The following EPHA6 variants were observed in gnomAD, a reference collection of about 807,000 sequenced individuals.
The protein encoded by EPHA6 is ephrin type-A receptor 6.
A neutral mutation model predicts 112.0 loss-of-function variants in EPHA6; 50 were observed. The ratio of observed to expected loss-of-function variants is 0.45; its 90% CI spans 0.36 to 0.56. The LOEUF is 0.56. Among genes scored for constraint, EPHA6 ranks in the 20% least tolerant of loss-of-function variants. The probability of loss-of-function intolerance (pLI) is 0.00; values close to 1 mark genes in which losing one functional copy is unlikely to be tolerated. For synonymous variants in EPHA6, 529 were observed against 490.7 expected (o/e 1.08, Z -1.03); for missense variants, 1,280 against 1,417.4 (o/e 0.90, Z 1.56).
chr3:97,372,677 G>A (rs553423446), intron 5 of EPHA6, among the ~76,000 whole-genome samples: 1 of 152,134 alleles, frequency 6.6e-6, no homozygotes, highest in East Asian at 1.9e-4. Flanking sequence ...GTGTAGCTTT[G>A]AAGTAAAGAC....
intron 11 of EPHA6, among the ~76,000 whole-genome samples, chr3:97,555,806 C>T (rs535059192): frequency 6.6e-6 from 1 of 152,098 alleles, no homozygotes; most frequent in Admixed American, 6.5e-5. Flanking sequence ...TGTTTGGGTT[C>T]ATTGTAGATT....
chr3:96,880,302 T>TA (rs2037235735), intron 2 of EPHA6, among the ~76,000 whole-genome samples: 1 of 151,782 alleles, frequency 6.6e-6, no homozygotes, highest in South Asian at 2.1e-4. Flanking sequence ...TAAAGTTAAT[T>TA]AAAAAACCCA....
chr3:96,982,066 C>G (rs1250709319), intron 2 of EPHA6, among the ~76,000 whole-genome samples: 3 of 152,122 alleles, frequency 2.0e-5, no homozygotes, highest in Non-Finnish European at 4.4e-5. Flanking sequence ...CAGTTCTTCT[C>G]TAATCTTAGT....
chr3:97,196,774 T>C (rs1185473815), intron 3 of EPHA6, among the ~76,000 whole-genome samples: 1 of 128,186 alleles, frequency 7.8e-6, no homozygotes. Context: ...AAGATCCGAA[T>C]GAATTCTCTG....
At chr3:97,471,355 T>A (rs571390502) in intron 7 of EPHA6, among the ~76,000 whole-genome samples, 1 of 151,856 alleles carries the variant, frequency 6.6e-6, no homozygotes, top group African/African-American at 2.4e-5. Flanking sequence ...AATTTCTTAT[T>A]CAGTGTCTGT....
chr3:97,539,649 C>A (rs2092820834), intron 11 of EPHA6, among the ~76,000 whole-genome samples: 2 of 152,138 alleles, frequency 1.3e-5, no homozygotes, highest in African/African-American at 4.8e-5. Context: ...TCTTCTTTTT[C>A]TAAATCTGCA....
intron 2 of EPHA6, among the ~76,000 whole-genome samples, chr3:96,923,090 G>T (rs1376804691): frequency 6.6e-6 from 1 of 152,142 alleles, no homozygotes; most frequent in Non-Finnish European, 1.5e-5. Context: ...GAATAGTGCT[G>T]CAGTGAACAT....
At chr3:97,586,948 A>C (rs1430504856) in intron 11 of EPHA6, among the ~76,000 whole-genome samples, 1 of 152,226 alleles carries the variant, frequency 6.6e-6, no homozygotes, top group Non-Finnish European at 1.5e-5. Context: ...TGGATACTCA[A>C]GTATAAAGAA....
At chr3:97,397,304 G>T (rs1341467308) in intron 5 of EPHA6, among the ~76,000 whole-genome samples, 1 of 151,350 alleles carries the variant, frequency 6.6e-6, no homozygotes, top group Non-Finnish European at 1.5e-5. Context: ...TTCTCATATG[G>T]AAAATAAATG....
intron 2 of EPHA6, among the ~76,000 whole-genome samples, chr3:96,883,905 C>A (rs534509191): frequency 1.3e-5 from 2 of 152,132 alleles, no homozygotes; most frequent in African/African-American, 4.8e-5. Flanking sequence ...CTCCTGACTT[C>A]AGATGATTCA....
chr3:96,944,132 C>G (rs2041127727), intron 2 of EPHA6, among the ~76,000 whole-genome samples: 1 of 152,166 alleles, frequency 6.6e-6, no homozygotes, highest in Non-Finnish European at 1.5e-5. Context: ...CATCTTCTCT[C>G]ACAAAACCAT....
At chr3:97,197,326 G>T (rs1048158268) in intron 3 of EPHA6, among the ~76,000 whole-genome samples, 4 of 152,008 alleles carry the variant, frequency 2.6e-5, no homozygotes, top group Non-Finnish European at 5.9e-5. Context: ...AATGCCTGCA[G>T]CAAATACTGC....
At chr3:97,081,178 A>G (rs932976120) in intron 3 of EPHA6, among the ~76,000 whole-genome samples, 2 of 151,954 alleles carry the variant, frequency 1.3e-5, no homozygotes, top group African/African-American at 4.8e-5. Flanking sequence ...GTTTAAACAG[A>G]TAAGAATGCA....
intron 14 of EPHA6, among the ~76,000 whole-genome samples, chr3:97,688,312 G>A (rs1287094853): frequency 6.6e-6 from 1 of 152,018 alleles, no homozygotes; most frequent in Non-Finnish European, 1.5e-5. Flanking sequence ...TCAAAGAATA[G>A]TATGTGTTTC....
At chr3:97,570,735 A>G (rs1490562035) in intron 11 of EPHA6, among the ~76,000 whole-genome samples, 1 of 152,182 alleles carries the variant, frequency 6.6e-6, no homozygotes, top group East Asian at 1.9e-4. Flanking sequence ...TTTCAAAAAA[A>G]AAAAAAGTAT....
intron 9 of EPHA6, among the ~76,000 whole-genome samples, chr3:97,483,437 T>C (rs547257038): frequency 6.6e-6 from 1 of 152,190 alleles, no homozygotes; most frequent in Admixed American, 6.5e-5. Context: ...CTTGTTTCTA[T>C]GCCATGAAGT....
At chr3:97,447,832 T>A (rs2090401272) in intron 6 of EPHA6, 1 of 1,009,724 alleles carries the variant, frequency 9.9e-7, no homozygotes, top group Admixed American at 5.9e-5. Context: ...TCTGCAGGTA[T>A]GGTAAGTCTT....
intron 3 of EPHA6, among the ~76,000 whole-genome samples, chr3:97,093,352 C>T (rs1225113241): frequency 6.6e-6 from 1 of 151,986 alleles, no homozygotes; most frequent in African/African-American, 2.4e-5. Context: ...AGTTCGAGAC[C>T]AGCCTGGCCA....
chr3:97,491,765 T>C (rs2091844773), intron 10 of EPHA6, among the ~76,000 whole-genome samples: 1 of 151,986 alleles, frequency 6.6e-6, no homozygotes, highest in African/African-American at 2.4e-5. Flanking sequence ...GGACACATAA[T>C]GTCGGCCCTG....
Sources: allele counts gnomAD v4.1 joint callset (sites outside exome capture counted in the v4.1 genomes callset), GRCh38; gene constraint gnomAD v4.1.1; transcripts MANE v1.5; gene names NCBI Gene and HGNC (gene_info 2026-07-23, HGNC 2026-07-21).